Variants in SRPK2 observed in about 807,000 individuals in gnomAD.
SRPK2 encodes SFRS protein kinase 2.
Under a neutral mutation model 90.8 loss-of-function variants are expected in SRPK2, and 21 were observed. The ratio of observed to expected loss-of-function variants is 0.23; its 90% CI spans 0.16 to 0.33. SRPK2 has a LOEUF of 0.33. Ranked by LOEUF, SRPK2 falls within the 10% of genes least tolerant of loss-of-function variation. The pLI is 1.00. For missense variants in SRPK2, 620 were observed against 869.0 expected (o/e 0.71, Z 3.60); for synonymous variants, 288 against 311.1 (o/e 0.93, Z 0.78).
chr7:105,214,804 A>G (rs1449110055), intron 2 of SRPK2, among the ~76,000 whole-genome samples: 1 of 152,232 alleles, frequency 6.6e-6, no homozygotes, highest in African/African-American at 2.4e-5. Context: ...AATCCCTATC[A>G]AAATCCCAGC....
intron 2 of SRPK2, among the ~76,000 whole-genome samples, chr7:105,231,730 A>G (rs1799447499): frequency 6.6e-6 from 1 of 152,106 alleles, no homozygotes; most frequent in Non-Finnish European, 1.5e-5. Flanking sequence ...AAAAGTGTCT[A>G]TGTCCTTTGC....
intron 2 of SRPK2, among the ~76,000 whole-genome samples, chr7:105,372,586 T>G (rs1232326092): frequency 6.6e-6 from 1 of 152,118 alleles, no homozygotes; most frequent in East Asian, 1.9e-4. Context: ...GAGCACTAAC[T>G]ATTCACACAA....
In SRPK2 at chr7:105,242,381, G is replaced by A. The variant is rs534465944; in HGVS notation, c.72-38596C>T. ...TCAAAAGTTATCCGGGGGTGGTGGT[G>A]CACACCTGTATTCCCAGCTACTCGG... On this transcript the variant is annotated intron_variant, in intron 2 of 15. Coordinates refer to ENST00000393651, the MANE Select transcript of SRPK2 (RefSeq NM_182692.3). 3.5e-4 allele frequency among the ~76,000 whole-genome samples: 53 copies of A among 152,158 alleles called. 1 individual carries two copies. The highest frequency in any genetic ancestry group is 1.2e-3 in the African/African-American group (51 of 41,516).
intron 2 of SRPK2, among the ~76,000 whole-genome samples, chr7:105,312,148 T>C (rs551144270): frequency 6.6e-6 from 1 of 152,184 alleles, no homozygotes; most frequent in South Asian, 2.1e-4. Context: ...TGCTACAAAG[T>C]AGATGAAACT....
intron 2 of SRPK2, among the ~76,000 whole-genome samples, chr7:105,218,629 G>A (rs1797741585): frequency 1.3e-5 from 2 of 152,194 alleles, no homozygotes; most frequent in South Asian, 4.1e-4. Flanking sequence ...TATAATAAAT[G>A]ATGTTTCCTA....
Position 105,314,027 on chromosome 7 carries a change from A to G in SRPK2, c.71+74621T>C, listed in dbSNP as rs143120757. On this transcript the variant is annotated intron_variant, in intron 2 of 15. Coordinates refer to ENST00000393651, the MANE Select transcript of SRPK2 (RefSeq NM_182692.3). Reference sequence around the variant, plus strand: ...ATTATCCAGGGCTCACAAAAATTCAATAACATGTATTATGAACATATGAAC... The same window carrying G: ...ATTATCCAGGGCTCACAAAAATTCAGTAACATGTATTATGAACATATGAAC... 1.4e-3 allele frequency among the ~76,000 whole-genome samples: 207 copies of G among 152,254 alleles called. 1 individual carries two copies. Among genetic ancestry groups the G allele is most frequent in the African/African-American group, 4.7e-3 (194 of 41,562 alleles).
intron 2 of SRPK2, among the ~76,000 whole-genome samples, chr7:105,343,724 TA>T (rs1443825477): frequency 6.6e-6 from 1 of 152,228 alleles, no homozygotes; most frequent in East Asian, 1.9e-4. Context: ...CCATTTTTCA[TA>T]AATCTTTATC....
chr7:105,329,485 C>T (rs1438914115), intron 2 of SRPK2, among the ~76,000 whole-genome samples: 4 of 151,396 alleles, frequency 2.6e-5, no homozygotes, highest in African/African-American at 7.3e-5. Context: ...CTCAGCTACT[C>T]GGGAGGCTGA....
At chr7:105,254,260 C>T (rs761855218) in intron 2 of SRPK2, among the ~76,000 whole-genome samples, 1 of 152,180 alleles carries the variant, frequency 6.6e-6, no homozygotes, top group Non-Finnish European at 1.5e-5. Context: ...ACTAGTAAGT[C>T]AACACTATCT....
intron 3 of SRPK2, among the ~76,000 whole-genome samples, chr7:105,200,000 A>G (rs1795353325): frequency 6.6e-6 from 1 of 151,858 alleles, no homozygotes; most frequent in South Asian, 2.1e-4. Context: ...CTGTACTTGA[A>G]GGTAAAGAAA....
intron 2 of SRPK2, among the ~76,000 whole-genome samples, chr7:105,347,210 T>C (rs1033791087): frequency 1.3e-5 from 2 of 151,792 alleles, no homozygotes; most frequent in African/African-American, 2.4e-5. Context: ...ACTACAGACA[T>C]GTGCCACCGC....
chr7:105,329,901 G>A (rs182419997), intron 2 of SRPK2, among the ~76,000 whole-genome samples: 29 of 151,818 alleles, frequency 1.9e-4, no homozygotes, highest in Non-Finnish European at 2.8e-4. Context: ...CGGGTGTGGC[G>A]GCACACACCT....
In SRPK2 at chr7:105,366,616, G is replaced by A. The variant is rs140106543; in HGVS notation, c.71+22032C>T. ...AAACTCCTGACCTCGTGATCCGCCC[G>A]CCTCAGCCTCCCAAAGTGCTGGGAT... On this transcript the variant is annotated intron_variant, in intron 2 of 15. Coordinates refer to ENST00000393651, the MANE Select transcript of SRPK2 (RefSeq NM_182692.3). Among the ~76,000 whole-genome samples, 6 of 151,592 alleles carry A rather than the reference G, an allele frequency of 4.0e-5. No homozygotes were observed. In the East Asian group the frequency reaches 1.2e-3, roughly 30 times the overall value.
At chr7:105,181,157 A>G (rs1338632001) in intron 3 of SRPK2, among the ~76,000 whole-genome samples, 1 of 152,226 alleles carries the variant, frequency 6.6e-6, no homozygotes, top group African/African-American at 2.4e-5. Context: ...GCAAATTGAA[A>G]CCACGATGAA....
chr7:105,150,447 C>A (rs1022395971), intron 7 of SRPK2, among the ~76,000 whole-genome samples: 1 of 152,108 alleles, frequency 6.6e-6, no homozygotes, highest in Non-Finnish European at 1.5e-5. Flanking sequence ...AGGCACAAGG[C>A]GGAGGTCACA....
intron 2 of SRPK2, among the ~76,000 whole-genome samples, chr7:105,233,503 A>G (rs1799767002): frequency 1.3e-5 from 2 of 152,216 alleles, no homozygotes; most frequent in South Asian, 4.1e-4. Context: ...GATCAGTGGA[A>G]AAGAGGTGAA....
At chr7:105,364,190 AT>A (rs2132310402) in intron 2 of SRPK2, among the ~76,000 whole-genome samples, 1 of 152,274 alleles carries the variant, frequency 6.6e-6, no homozygotes, top group South Asian at 2.1e-4. Context: ...TAATTAAAAA[AT>A]AATAAAATAA....
chr7:105,294,612 C>T (rs1199774368), intron 2 of SRPK2, among the ~76,000 whole-genome samples: 5 of 152,058 alleles, frequency 3.3e-5, no homozygotes, highest in Non-Finnish European at 7.4e-5. Flanking sequence ...TTGCAACCTC[C>T]GCCTCCCAGG....
intron 3 of SRPK2, among the ~76,000 whole-genome samples, chr7:105,195,317 G>A (rs1386527387): frequency 2.6e-5 from 4 of 152,232 alleles, no homozygotes; most frequent in South Asian, 2.1e-4. Flanking sequence ...CCAAAGTGCT[G>A]GGATTACAGG....
Sources: gnomAD v4.1 joint callset for allele counts (sites outside exome capture counted in the v4.1 genomes callset) on GRCh38, gnomAD v4.1.1 for gene constraint, MANE v1.5 for transcripts, NCBI Gene and HGNC (gene_info 2026-07-23, HGNC 2026-07-21) for gene names.